The following CHTF18 variants were observed in gnomAD, a reference collection of about 807,000 sequenced individuals.
CHTF18 encodes the protein chromosome transmission fidelity factor 18, also known as chromosome transmission fidelity protein 18 homolog.
CHTF18 carries 151 observed loss-of-function variants against 113.4 expected under a neutral mutation model. That is an observed-to-expected ratio of 1.33 (90% confidence interval 1.17 to 1.52). The LOEUF (loss-of-function observed/expected upper bound fraction) is 1.52. CHTF18 is among the 40% of genes most tolerant of loss of function. The pLI, the probability that CHTF18 is intolerant of heterozygous loss-of-function variation, is 0.00. For synonymous variants in CHTF18, 916 were observed against 598.8 expected (o/e 1.53, Z -7.74); for missense variants, 1,982 against 1,381.6 (o/e 1.43, Z -6.89).
intron 14 of CHTF18, 121 bp downstream of exon 14, chr16:793,395 G>T: frequency 1.6e-6 from 2 of 1,260,590 alleles, no homozygotes; most frequent in Non-Finnish European, 2.2e-6. Context: ...GCCCGCGGTT[G>T]CCTGGTCCAG....
chr16:794,286 TGGACGGGGAGGCGCTTTGGG>T, intron 15 of CHTF18, 85 bp downstream of exon 15: 1 of 1,495,736 alleles, frequency 6.7e-7, no homozygotes, highest in South Asian at 1.2e-5. Flanking sequence ...TCCTCCCGTA[TGGACGGGGAGGCGCTTTGGG>T]GGTGCTGAGA....
intron 18 of CHTF18, 39 bp from the exon 19 acceptor site, chr16:796,678 C>T: frequency 6.5e-7 from 1 of 1,540,452 alleles, no homozygotes; most frequent in Non-Finnish European, 8.7e-7. Flanking sequence ...CTGAGCCTGG[C>T]CCCGCTGACC....
intron 18 of CHTF18, 42 bp from the exon 19 acceptor site, chr16:796,675 T>C: frequency 1.3e-6 from 2 of 1,539,206 alleles, no homozygotes; most frequent in Non-Finnish European, 1.7e-6. Context: ...GCCCTGAGCC[T>C]GGCCCCGCTG....
At chr16:797,667 C>A (rs149730790) in intron 20 of CHTF18, 27 bp from the exon 21 acceptor site, 5 of 1,610,392 alleles carry the variant, frequency 3.1e-6, no homozygotes, top group Admixed American at 1.7e-5. Flanking sequence ...CTGTCCTATA[C>A]GACTGACTAG....
rs761161961 is a variant in CHTF18, at chr16:790,513, G to C, written c.753-12G>C. 2 of 1,603,544 alleles carry C rather than the reference G, an allele frequency of 1.2e-6. No individual in the cohort carries two copies. The highest frequency in any genetic ancestry group is 4.5e-5 in the East Asian group (2 of 44,556). ...GCGAGTTGTTTGTGGCTCAGGACGT[G>C]GTCCTCTCCAGTCTCAGGTCGGGGG... On this transcript the variant is annotated splice_polypyrimidine_tract_variant and intron_variant, in intron 6 of 21. Transcript: ENST00000262315.
In CHTF18 at chr16:790,202, G is replaced by T. The variant is rs766620558; in HGVS notation, c.632G>T (p.Arg211Leu). ...GGCTCTCTCCTCCACGTCCCATGGC[G>T]AGGCGGTGGCCAGCTGGACCTGCTG... ...VQGSLLHVPW[R>L]GGGQLDLLGV... Residue 211 changes from arginine (R) to leucine (L), a missense_variant, in exon 5 of 22, where the codon CGA (arginine) becomes CTA (leucine). By Grantham distance (102) the Arg-to-Leu change is moderately radical. Transcript: ENST00000262315. The T allele has an allele frequency of 1.2e-6, 2 of 1,603,734 alleles. No individual in the cohort carries two copies. The highest frequency in any genetic ancestry group is 1.3e-5 in the African/African-American group (1 of 74,730).
Position 789,665 on chromosome 16 carries a change from G to T in CHTF18, c.556G>T (p.Val186Phe). ...CGTCCACGTGACATCCACGGAGGGC[G>T]TCCGGGCTTATCTGGTGCTGCGTGC... Reference protein sequence around the residue: ...DYVHVTSTEGVRAYLVLRADP... With the variant: ...DYVHVTSTEGFRAYLVLRADP... Residue 186 changes from valine (V) to phenylalanine (F), a missense_variant, in exon 4 of 22, where the codon GTC becomes TTC. Physicochemically the swap from Val to Phe is conservative, Grantham distance 50 (BLOSUM62 -1). Coordinates refer to ENST00000262315, the MANE Select transcript of CHTF18 (RefSeq NM_022092.3). The T allele has an allele frequency of 1.9e-6, 3 of 1,603,568 alleles. No homozygotes were observed. Among genetic ancestry groups the T allele is most frequent in the Non-Finnish European group, 2.5e-6 (3 of 1,179,576 alleles).
rs781496399 is a variant in CHTF18 at position 789,210 on chromosome 16, C to G, written c.287C>G (p.Ala96Gly). The change falls in exon 3 of 22, where the codon GCC (alanine) becomes GGC (glycine). Residue 96 changes from alanine (A) to glycine (G), a missense_variant and splice_region_variant. By Grantham distance (60) the Ala-to-Gly change is moderately conservative. Transcript: ENST00000262315. Reference protein sequence around the residue: ...DLQPAGSLPHAPRIKRPRLQV... With the variant: ...DLQPAGSLPHGPRIKRPRLQV... ...GGTTCCCTGCATGTGTCTCCCCCAG[C>G]CCCCAGGATCAAACGGCCTAGGCTG... is the stretch of plus-strand genomic sequence containing the variant. 7.7e-6 allele frequency: 12 copies of G among 1,550,830 alleles called. No homozygotes were observed. Among genetic ancestry groups the G allele is most frequent in the Non-Finnish European group, 1.0e-5 (12 of 1,147,342 alleles).
intron 18 of CHTF18, 147 bp from the exon 19 acceptor site, chr16:796,570 G>C: frequency 1.1e-6 from 1 of 938,672 alleles, no homozygotes; most frequent in Non-Finnish European, 1.5e-6. Context: ...GCTGCCGCAG[G>C]GTTGGGGTGC....
rs750082306 is a variant in CHTF18 at position 798,012 on chromosome 16, CGCAGAGT to C, written c.*44_*50del. ...GCGGACATGCCCTCGCATTGCTTCC[CGCAGAGT>C]GCAGAGACAGGAAGCTGGAGATGTC... On this transcript the variant is annotated 3_prime_UTR_variant, in exon 22 of 22. Transcript: ENST00000262315. 2.8e-5 allele frequency: 44 copies of C among 1,591,796 alleles called. No homozygotes were observed. In the East Asian group the frequency reaches 9.9e-4, roughly 36 times the overall value.
intron 14 of CHTF18, among the ~76,000 whole-genome samples, 174 bp downstream of exon 14, chr16:793,448 C>T (rs1462311837): frequency 1.3e-5 from 2 of 152,120 alleles, no homozygotes; most frequent in African/African-American, 2.4e-5. Context: ...TGTTCTCGCC[C>T]CTACAGCCTT....
rs2151646027 is a variant in CHTF18, at chr16:793,253, TC to T, written c.1783del (p.Gln595SerfsTer136). ...RGLFSVWQEV[F>X]QLPRAQRRRV... is the part of the protein sequence containing the mutation. The stretch of plus-strand genomic sequence containing the variant: ...CTCTTCTCGGTGTGGCAGGAGGTCT[TC>T]CAGCTGCCTCGAGCCCAGAGGTAGG... On this transcript the variant is annotated frameshift_variant, in exon 14 of 22. Transcript: ENST00000262315. LOFTEE classifies it high-confidence loss of function. 3 of 1,606,888 alleles carry T rather than the reference TC, an allele frequency of 1.9e-6. No homozygotes were observed. Among genetic ancestry groups the T allele is most frequent in the Non-Finnish European group, 2.5e-6 (3 of 1,178,460 alleles).
Position 792,897 on chromosome 16 carries a change from A to C in CHTF18, c.1573-69A>C, listed in dbSNP as rs548680069. ...GGCCCCTGTTTCCCTGCCCCTCCCC[A>C]TGGAACCCTGGTAACCCCTGAAAGG... On this transcript the variant is annotated intron_variant, in intron 12 of 21. Coordinates refer to ENST00000262315, the MANE Select transcript of CHTF18 (RefSeq NM_022092.3). The C allele has an allele frequency of 2.0e-6, 3 of 1,532,924 alleles. No homozygotes were observed. The East Asian group carries it at 7.4e-5, about 38-fold the overall frequency. The allele number at this position is 1,532,924 out of a possible 1,614,324, so 95.0% of individuals were successfully genotyped here. A position where few individuals can be genotyped will look rare whatever the true frequency, so the allele number is the denominator to read the frequency against.
chr16:797,596 G>T, intron 20 of CHTF18, 98 bp from the exon 21 acceptor site: 1 of 1,351,342 alleles, frequency 7.4e-7, no homozygotes, highest in South Asian at 1.3e-5. Context: ...AGGTGTTCTG[G>T]TCCCTCCTCC....
At chr16:794,918 C>T (rs2058706081) in intron 15 of CHTF18, 2 of 579,492 alleles carry the variant, frequency 3.5e-6, no homozygotes, top group Non-Finnish European at 3.1e-6. Context: ...TCAGGGTGGA[C>T]CCTCCCCCGA....
At position 792,987 on chromosome 16, in the gene CHTF18, A is replaced by G; in HGVS notation, c.1594A>G (p.Arg532Gly). ...CCAGGTCTCCCTGCGGCAGGGCATG[A>G]GGGCCGACCCAGGGGTGCTGGCCGC... The part of the protein sequence containing the change: ...LQEVSLRQGM[R>G]ADPGVLAALC... The change falls in exon 13 of 22, where the codon AGG becomes GGG. Residue 532 changes from arginine (R) to glycine (G), a missense_variant. Coordinates refer to ENST00000262315, the MANE Select transcript of CHTF18 (RefSeq NM_022092.3). 6.4e-7 allele frequency: 1 copy of G among 1,559,944 alleles called. No homozygotes were observed. The highest frequency in any genetic ancestry group is 1.9e-5 in the Admixed American group (1 of 53,110).
chr16:796,263 C>T (rs745471487), intron 18 of CHTF18, among the ~76,000 whole-genome samples, 186 bp downstream of exon 18: 11 of 152,234 alleles, frequency 7.2e-5, no homozygotes, highest in Non-Finnish European at 1.2e-4. Context: ...TTGAGATTGG[C>T]TCTGGGACCT....
rs1596766455 is a variant in CHTF18, at chr16:795,080, G to T, written c.1951-52G>T. 4 of 1,422,240 alleles carry T rather than the reference G, an allele frequency of 2.8e-6. No homozygotes were observed. In the East Asian group the frequency reaches 1.0e-4, roughly 35 times the overall value. The allele number at this position is 1,422,240 out of a possible 1,614,324, so 88.1% of individuals were successfully genotyped here. A position where few individuals can be genotyped will look rare whatever the true frequency, so the allele number is the denominator to read the frequency against. ...GGCGGGAGGTGGAGGGTCCGTGGTG[G>T]TGCACCTTCCCTGGGGTGGGCAGGA... On this transcript the variant is annotated intron_variant, in intron 15 of 21. Coordinates refer to ENST00000262315, the MANE Select transcript of CHTF18 (RefSeq NM_022092.3).
Position 793,075 on chromosome 16 carries a change from G to A in CHTF18, c.1671+11G>A, listed in dbSNP as rs947563512. 59 of 1,471,538 alleles carry A rather than the reference G, an allele frequency of 4.0e-5. 1 individual carries two copies. In the Admixed American group the frequency reaches 5.0e-4, roughly 12 times the overall value. The allele number at this position is 1,471,538 out of a possible 1,614,324, so 91.2% of individuals were successfully genotyped here. Reference sequence around the variant, plus strand: ...ATCAACACCCTGCAGGTGGGCGGCCGGCAGGCACCGGGTGGGGTGGGGTGG... The same window carrying A: ...ATCAACACCCTGCAGGTGGGCGGCCAGCAGGCACCGGGTGGGGTGGGGTGG... On this transcript the variant is annotated intron_variant, in intron 13 of 21. Coordinates refer to ENST00000262315, the MANE Select transcript of CHTF18 (RefSeq NM_022092.3).
Sources: allele counts gnomAD v4.1 joint callset (sites outside exome capture counted in the v4.1 genomes callset), GRCh38; gene constraint gnomAD v4.1.1; transcripts MANE v1.5; gene names NCBI Gene and HGNC (gene_info 2026-07-23, HGNC 2026-07-21).